NECAB2: variants seen among roughly 807,000 people sequenced by gnomAD.
NECAB2 encodes the protein N-terminal EF-hand calcium binding protein 2.
Under a neutral mutation model 51.9 loss-of-function variants are expected in NECAB2, and 68 were observed. That is an observed-to-expected ratio of 1.31 (90% CI 1.08 to 1.60). The LOEUF is 1.60. Ranked by LOEUF, NECAB2 falls within the 40% of genes most tolerant of loss-of-function variation. The pLI, the probability that NECAB2 is intolerant of heterozygous loss-of-function variation, is 0.00. For synonymous variants in NECAB2, 329 were observed against 203.5 expected (o/e 1.62, Z -5.25); for missense variants, 854 against 490.3 (o/e 1.74, Z -7.00).
chr16:83,978,857 C>T (rs1444798174), intron 3 of NECAB2, among the ~76,000 whole-genome samples: 4 of 152,110 alleles, frequency 2.6e-5, no homozygotes, highest in Non-Finnish European at 5.9e-5. Flanking sequence ...CTTCATCCTT[C>T]TGCCATCTTC....
intron 5 of NECAB2, among the ~76,000 whole-genome samples, chr16:83,989,325 G>A (rs370057010): frequency 2.6e-5 from 4 of 152,162 alleles, no homozygotes; most frequent in African/African-American, 4.8e-5. Context: ...TCTGGCTGTC[G>A]GCTTGGTGGC....
At chr16:83,985,313 C>CAAAAAAAAAAAAAAAAAAAAAAAAA (rs71148868) in intron 5 of NECAB2, among the ~76,000 whole-genome samples, 2 of 30,158 alleles carry the variant, frequency 6.6e-5, no homozygotes, top group Non-Finnish European at 1.6e-4. Flanking sequence ...ATCTCTGTCT[C>CAAAAAAAAAAAAAAAAAAAAAAAAA]AAAAAAAAAA....
chr16:83,972,020 A>AG (rs199687370), intron 1 of NECAB2, 131 bp from the exon 2 acceptor site: 15,541 of 1,220,286 alleles, frequency 0.013, 135 homozygotes, highest in South Asian at 0.02. Context: ...GGGAGAGGGA[A>AG]GGGGGGCTCA....
chr16:83,996,425 C>G (rs186275409), intron 8 of NECAB2, among the ~76,000 whole-genome samples: 125 of 152,308 alleles, frequency 8.2e-4, no homozygotes, highest in African/African-American at 2.8e-3. Flanking sequence ...GGTGACTACA[C>G]AGACTCATCC....
intron 10 of NECAB2, among the ~76,000 whole-genome samples, chr16:83,998,618 T>G (rs1253781878): frequency 6.6e-6 from 1 of 152,038 alleles, no homozygotes; most frequent in East Asian, 1.9e-4. Flanking sequence ...GAATCTCAAG[T>G]GTGAAGGGCT....
At chr16:83,965,618 A>C (rs1242262502), upstream of NECAB2, 4 of 1,613,056 alleles carry the variant, frequency 2.5e-6, no homozygotes, top group Admixed American at 1.7e-5. Context: ...GGAGCAGTCC[A>C]TCCTGTCGCC....
rs759314026 is a variant in NECAB2 at position 83,990,443 on chromosome 16, A to G, written c.460-51A>G. On this transcript the variant is annotated intron_variant, in intron 5 of 12. Coordinates refer to ENST00000305202, the MANE Select transcript of NECAB2 (RefSeq NM_019065.3). ...AACTCCTGTGCTAGACCCCACCTCCAATTTCCCTCCCACCCCTTTCCCCTC... is the reference window on the plus strand; with the variant it reads ...AACTCCTGTGCTAGACCCCACCTCCGATTTCCCTCCCACCCCTTTCCCCTC... The G allele has an allele frequency of 2.5e-6, 4 of 1,601,332 alleles. No homozygotes were observed. In the South Asian group the frequency reaches 3.3e-5, roughly 13 times the overall value.
At chr16:83,997,786 C>G (rs1001146493) in intron 9 of NECAB2, among the ~76,000 whole-genome samples, 3 of 152,270 alleles carry the variant, frequency 2.0e-5, no homozygotes, top group East Asian at 1.9e-4. Flanking sequence ...AGCCACCACA[C>G]CTGGCCCAGA....
At chr16:83,982,132 G>C (rs941700509) in intron 5 of NECAB2, among the ~76,000 whole-genome samples, 5 of 152,192 alleles carry the variant, frequency 3.3e-5, no homozygotes, top group Non-Finnish European at 7.3e-5. Context: ...GCACCTGCTG[G>C]TTTGTATCAA....
At chr16:83,998,179 A>C (rs770686777) in intron 9 of NECAB2, 26 bp from the exon 10 acceptor site, 9 of 1,600,074 alleles carry the variant, frequency 5.6e-6, no homozygotes, top group African/African-American at 1.3e-5. Flanking sequence ...GTGGAGCCCC[A>C]CACTGACTCC....
chr16:83,985,452 G>T (rs1382273292), intron 5 of NECAB2, among the ~76,000 whole-genome samples: 2 of 151,142 alleles, frequency 1.3e-5, no homozygotes, highest in Non-Finnish European at 2.9e-5. Flanking sequence ...GGCCAACATG[G>T]TGAAACCCCG....
chr16:83,996,824 C>A (rs1054983739), intron 8 of NECAB2, among the ~76,000 whole-genome samples: 1 of 152,098 alleles, frequency 6.6e-6, no homozygotes, highest in Non-Finnish European at 1.5e-5. Flanking sequence ...TATTTGTAAA[C>A]CATCTAGCTT....
At chr16:83,978,401 T>C (rs763887184) in intron 2 of NECAB2, 43 bp from the exon 3 acceptor site, 34 of 1,559,284 alleles carry the variant, frequency 2.2e-5, no homozygotes, top group Admixed American at 3.3e-5. Context: ...ACCAGCCTTA[T>C]CTCTGCAGAC....
chr16:83,972,201 C>T (rs377764832), intron 2 of NECAB2, 26 bp downstream of exon 2: 25 of 1,613,360 alleles, frequency 1.5e-5, no homozygotes, highest in Admixed American at 3.3e-5. Flanking sequence ...AGGCCGACGG[C>T]CGCCCCACTC....
At chr16:83,994,709 G>T (rs764347075) in intron 8 of NECAB2, 21 bp downstream of exon 8, 4 of 1,613,258 alleles carry the variant, frequency 2.5e-6, no homozygotes, top group South Asian at 2.2e-5. Flanking sequence ...GCCTGACCAC[G>T]GCGTCTACTC....
intron 2 of NECAB2, among the ~76,000 whole-genome samples, chr16:83,974,806 T>C (rs185844738): frequency 1.2e-4 from 18 of 151,994 alleles, no homozygotes; most frequent in Non-Finnish European, 1.5e-5. Flanking sequence ...GAAAGAGGAA[T>C]GAGTGTAGGG....
At chr16:83,997,453 G>T (rs574553639) in intron 9 of NECAB2, among the ~76,000 whole-genome samples, 184 bp downstream of exon 9, 10 of 151,274 alleles carry the variant, frequency 6.6e-5, no homozygotes, top group African/African-American at 1.9e-4. Flanking sequence ...ACCAACTCCG[G>T]GGGTATTTCT....
At chr16:83,987,529 C>T (rs998158561) in intron 5 of NECAB2, among the ~76,000 whole-genome samples, 1 of 152,124 alleles carries the variant, frequency 6.6e-6, no homozygotes, top group Non-Finnish European at 1.5e-5. Context: ...CCACTGGTAA[C>T]ATTTTAGCCT....
At chr16:83,966,012 C>A (rs199800520), upstream of NECAB2, 881 of 1,528,500 alleles carry the variant, frequency 5.8e-4, no homozygotes, top group Non-Finnish European at 7.3e-4. Context: ...CCCTAACACT[C>A]GGCCAGACCC....
Sources: gnomAD v4.1 joint callset for allele counts (sites outside exome capture counted in the v4.1 genomes callset) on GRCh38, gnomAD v4.1.1 for gene constraint, MANE v1.5 for transcripts, NCBI Gene and HGNC (gene_info 2026-07-23, HGNC 2026-07-21) for gene names.